Variants in DCLRE1A observed in about 807,000 individuals in gnomAD.
DCLRE1A encodes DNA cross-link repair 1A, also known as DNA cross-link repair 1A protein.
In DCLRE1A, 64 loss-of-function variants were observed where a neutral mutation model predicts 91.9. The ratio of observed to expected loss-of-function variants is 0.70; its 90% CI spans 0.57 to 0.86. DCLRE1A has a LOEUF of 0.86. Among genes scored for constraint, DCLRE1A ranks in the 40% least tolerant of loss-of-function variants. The pLI is 0.00. For missense variants in DCLRE1A, 1,145 were observed against 1,213.3 expected, an observed-to-expected ratio of 0.94 and a Z score of 0.84; for synonymous variants, 416 against 431.1, an observed-to-expected ratio of 0.96 and a Z score of 0.43.
chr10:113,854,344 C>T (rs1845713609), upstream of DCLRE1A: 1 of 152,342 alleles, frequency 6.6e-6, no homozygotes, highest in Non-Finnish European at 1.5e-5. Context: ...GTTATCCCTA[C>T]CCGCTTTACC....
At chr10:113,843,932 T>C (rs1845486684) in intron 5 of DCLRE1A, among the ~76,000 whole-genome samples, 172 bp downstream of exon 5, 1 of 152,224 alleles carries the variant, frequency 6.6e-6, no homozygotes, top group African/African-American at 2.4e-5. Context: ...AGTTAACACA[T>C]ACAATCTCAA....
chr10:113,843,709 G>A (rs1269625985), intron 5 of DCLRE1A, among the ~76,000 whole-genome samples: 2 of 152,114 alleles, frequency 1.3e-5, no homozygotes, highest in East Asian at 3.8e-4. Flanking sequence ...TTTAAGAAAA[G>A]AACAACAGCA....
At position 113,850,637 on chromosome 10, in the gene DCLRE1A, A is replaced by G. The variant is rs1316999965; in HGVS notation, c.468T>C (p.Pro156=). The G allele has an allele frequency of 6.3e-7, 1 of 1,581,124 alleles. No individual in the cohort carries two copies. Among genetic ancestry groups the G allele is most frequent in the East Asian group, 2.3e-5 (1 of 44,416 alleles). ...DSPPRSETEC[P]DGLLCTSTIP... ...TGGTTGAGGTACACAGAAGACCATCAGGACACTCTGAAATTTTAATAAAGA... is the reference window on the plus strand; with the variant it reads ...TGGTTGAGGTACACAGAAGACCATCGGGACACTCTGAAATTTTAATAAAGA... The change falls in exon 2 of 9, where the codon CCT becomes CCC. Residue 156 remains proline (P), a synonymous_variant. Transcript: ENST00000361384.
intron 8 of DCLRE1A, 106 bp downstream of exon 8, chr10:113,836,956 A>G: frequency 1.0e-6 from 1 of 1,000,904 alleles, no homozygotes. Context: ...TTGAATTATT[A>G]AATTCTTTGG....
chr10:113,845,924 C>T (rs951003481), intron 3 of DCLRE1A, 121 bp from the exon 4 acceptor site: 2 of 843,518 alleles, frequency 2.4e-6, no homozygotes, highest in African/African-American at 1.7e-5. Context: ...TAAGTAAACA[C>T]TCCACAATGC....
intron 4 of DCLRE1A, among the ~76,000 whole-genome samples, chr10:113,845,343 T>TACATAAATTTATATAATTTATAC (rs1845519339): frequency 6.6e-6 from 1 of 152,180 alleles, no homozygotes; most frequent in South Asian, 2.1e-4. Context: ...TGTTAATTTA[T>TACATAAATTTATATAATTTATAC]GTAAATGATA....
chr10:113,835,890 G>A (rs1428675115), intron 8 of DCLRE1A, among the ~76,000 whole-genome samples: 5 of 152,090 alleles, frequency 3.3e-5, no homozygotes, highest in East Asian at 1.9e-4. Flanking sequence ...AGCCGAGATC[G>A]TGCCACTGTA....
Position 113,844,149 on chromosome 10 carries a change from G to A in DCLRE1A, c.2474C>T (p.Ser825Phe), listed in dbSNP as rs1845491897. The change falls in exon 5 of 9, where the codon TCT (serine) becomes TTT (phenylalanine). Residue 825 changes from serine (S) to phenylalanine (F), a missense_variant. Physicochemically the swap from Ser to Phe is radical, Grantham distance 155. Transcript: ENST00000361384. ...DFRADPSMER[S>F]LLADQKVHML... ...ATGGACTTTCTGGTCCGCAAGAAGAGAACGTTCCATGCTGGGATCTGCTCT... is the reference window on the plus strand; with the variant it reads ...ATGGACTTTCTGGTCCGCAAGAAGAAAACGTTCCATGCTGGGATCTGCTCT... The A allele has an allele frequency of 6.2e-7, 1 of 1,614,198 alleles. No homozygotes were observed. The highest frequency in any genetic ancestry group is 1.1e-5 in the South Asian group (1 of 91,088).
In DCLRE1A at chr10:113,850,290, C is replaced by G. The variant is rs766119956; in HGVS notation, c.815G>C (p.Gly272Ala). ...GTTGTTTGCAAGACGCAAAGCAACT[C>G]CCACTAGTTTGTCATTCTCAACAAA... ...TDFVENDKLV[G>A]VALRLANNSE... Residue 272 changes from glycine to alanine, a missense_variant, in exon 2 of 9, where the codon GGA becomes GCA. Coordinates refer to ENST00000361384, the MANE Select transcript of DCLRE1A (RefSeq NM_014881.5). 6.2e-7 allele frequency: 1 copy of G among 1,614,174 alleles called. No homozygotes were observed. The highest frequency in any genetic ancestry group is 1.1e-5 in the South Asian group (1 of 91,070).
Position 113,847,112 on chromosome 10 carries a change from A to C in DCLRE1A, c.2259+90T>G, listed in dbSNP as rs534059062. 3.4e-5 allele frequency: 42 copies of C among 1,244,750 alleles called. 1 individual carries two copies. The South Asian group carries it at 7.8e-4, about 23-fold the overall frequency. The allele number at this position is 1,244,750 out of a possible 1,614,324, so 77.1% of individuals were successfully genotyped here. A position where few individuals can be genotyped will look rare whatever the true frequency, so the allele number is the denominator to read the frequency against. On this transcript the variant is annotated intron_variant, in intron 3 of 8. Coordinates refer to ENST00000361384, the MANE Select transcript of DCLRE1A (RefSeq NM_014881.5). ...CATTTTTTTTCTAGTAGAATGAAAGATCTTACTGGTTTAATTATTATTTTT... is the reference window on the plus strand; with the variant it reads ...CATTTTTTTTCTAGTAGAATGAAAGCTCTTACTGGTTTAATTATTATTTTT...
chr10:113,853,339 T>C lies in DCLRE1A; in HGVS notation c.-157A>G, dbSNP rs1845692922. On this transcript the variant is annotated 5_prime_UTR_variant, in exon 1 of 9. Transcript: ENST00000361384. ...CAATGGGAATCTGCAGTGTTGGTAA[T>C]GAACATATTGGCAAGCTACAAACCT... 4.5e-6 allele frequency: 3 copies of C among 667,566 alleles called. No individual in the cohort carries two copies. In the East Asian group the frequency reaches 8.6e-5, roughly 19 times the overall value. The allele number at this position is 667,566 out of a possible 1,614,324, so 41.4% of individuals were successfully genotyped here. A position where few individuals can be genotyped will look rare whatever the true frequency, so the allele number is the denominator to read the frequency against.
intron 5 of DCLRE1A, among the ~76,000 whole-genome samples, chr10:113,843,350 G>GT (rs34048504): frequency 2.0e-5 from 3 of 152,048 alleles, no homozygotes. Context: ...ACAAAAAAGG[G>GT]TTTTTTTAAA....
At chr10:113,835,418 T>G (rs745314968) in intron 8 of DCLRE1A, 106 bp from the exon 9 acceptor site, 4 of 1,267,982 alleles carry the variant, frequency 3.2e-6, no homozygotes, top group Non-Finnish European at 4.2e-6. Context: ...CAATCCACAG[T>G]ATTTTTGTCA....
intron 5 of DCLRE1A, among the ~76,000 whole-genome samples, chr10:113,843,760 T>A (rs1845484224): frequency 6.6e-6 from 1 of 152,234 alleles, no homozygotes; most frequent in Non-Finnish European, 1.5e-5. Context: ...TTGACCTCTG[T>A]CTTCTCTTCA....
At position 113,849,031 on chromosome 10, in the gene DCLRE1A, T is replaced by C. The variant is rs752576448; in HGVS notation, c.2074A>G (p.Asn692Asp). ...RGNKKIPESS[N>D]VGGSRKKTCP... is the part of the protein sequence containing the mutation. ...GTCTTTTTTCTTGATCCTCCTACAT[T>C]AGATGACTCTGGGATTTTCTTGTTG... is the stretch of plus-strand genomic sequence containing the variant. The change falls in exon 2 of 9, where the codon AAT (asparagine) becomes GAT (aspartate). Residue 692 changes from asparagine to aspartate, a missense_variant. Coordinates refer to ENST00000361384, the MANE Select transcript of DCLRE1A (RefSeq NM_014881.5). 2.5e-6 allele frequency: 4 copies of C among 1,614,164 alleles called. No individual in the cohort carries two copies. In the East Asian group the frequency reaches 8.9e-5, roughly 36 times the overall value.
chr10:113,838,745 CATT>C (rs1845399274), intron 7 of DCLRE1A, among the ~76,000 whole-genome samples: 3 of 152,154 alleles, frequency 2.0e-5, no homozygotes, highest in South Asian at 4.1e-4. Context: ...TCTATAACAT[CATT>C]GTTATAACAT....
At position 113,849,680 on chromosome 10, in the gene DCLRE1A, C is replaced by T; in HGVS notation, c.1425G>A (p.Gly475=). 1 of 1,614,118 alleles carries T rather than the reference C, an allele frequency of 6.2e-7. No individual in the cohort carries two copies. The highest frequency in any genetic ancestry group is 8.5e-7 in the Non-Finnish European group (1 of 1,180,022). ...MLKPFESQVE[G]YLSSQPTQNT... is the part of the protein sequence containing the mutation. ...TTTGGGTTGGTTGGGAAGAAAGATA[C>T]CCTTCTACCTGACTTTCAAAAGGTT... Residue 475 remains glycine (G), a synonymous_variant, in exon 2 of 9, where the codon GGG becomes GGA. Transcript: ENST00000361384.
chr10:113,834,983 G>C lies in DCLRE1A; in HGVS notation c.*169C>G. The stretch of plus-strand genomic sequence containing the variant: ...TCAGTTATCCTTGATGATGCTGAGA[G>C]GCATTCAGCACCACGAACATGTTGT... On this transcript the variant is annotated 3_prime_UTR_variant, in exon 9 of 9. Transcript: ENST00000361384. 2 of 666,076 alleles carry C rather than the reference G, an allele frequency of 3.0e-6. No individual in the cohort carries two copies. The highest frequency in any genetic ancestry group is 4.8e-6 in the Non-Finnish European group (2 of 414,088). 41.3% of individuals were successfully genotyped at this position (666,076 alleles called of 1,614,324 possible).
In DCLRE1A at chr10:113,849,864, A is replaced by G. The variant is rs1845612232; in HGVS notation, c.1241T>C (p.Leu414Ser). The G allele has an allele frequency of 6.2e-7, 1 of 1,614,028 alleles. No individual in the cohort carries two copies. Among genetic ancestry groups the G allele is most frequent in the Non-Finnish European group, 8.5e-7 (1 of 1,180,026 alleles). The change falls in exon 2 of 9, where the codon TTG (leucine) becomes TCG (serine). Residue 414 changes from leucine (L) to serine (S), a missense_variant. Leu to Ser is a moderately radical substitution (Grantham distance 145). Coordinates refer to ENST00000361384, the MANE Select transcript of DCLRE1A (RefSeq NM_014881.5). ...AACAGAAGCAGCAAGCTTCCCTGCC[A>G]ATGCAGGTGGAAACAACACAAAATC... ...GGDFVLFPPA[L>S]AGKLAASVHQ...
Sources: gnomAD v4.1 joint callset for allele counts (sites outside exome capture counted in the v4.1 genomes callset) on GRCh38, gnomAD v4.1.1 for gene constraint, MANE v1.5 for transcripts, NCBI Gene and HGNC (gene_info 2026-07-23, HGNC 2026-07-21) for gene names.